The following PDK1 variants were observed in gnomAD, a reference collection of about 807,000 sequenced individuals.
The protein encoded by PDK1 is pyruvate dehydrogenase kinase 1, also known as [Pyruvate dehydrogenase (acetyl-transferring)] kinase isozyme 1, mitochondrial.
A neutral mutation model predicts 54.2 loss-of-function variants in PDK1; 39 were observed. The ratio of observed to expected loss-of-function variants is 0.72; its 90% confidence interval spans 0.56 to 0.94. The LOEUF (loss-of-function observed/expected upper bound fraction) is 0.94, where lower values mean the gene tolerates loss of function less well. PDK1 is among the 40% of genes least tolerant of loss of function. The probability of loss-of-function intolerance (pLI) is 0.00; values close to 1 mark genes in which losing one functional copy is unlikely to be tolerated. For synonymous variants in PDK1, 221 were observed against 207.1 expected, an observed-to-expected ratio of 1.07 and a Z score of -0.58; for missense variants, 552 against 566.0, an observed-to-expected ratio of 0.98 and a Z score of 0.25.
chr2:172,622,229 ATATAT>A, the PDK1 span, among the ~76,000 whole-genome samples: 2 of 107,648 alleles, frequency 1.9e-5, no homozygotes, highest in Non-Finnish European at 4.1e-5. Flanking sequence ...TTTATATCTC[ATATAT>A]TATGTGAGAT....
chr2:172,581,951 T>C (rs953104277), intron 8 of PDK1, among the ~76,000 whole-genome samples: 3 of 152,232 alleles, frequency 2.0e-5, no homozygotes, highest in Middle Eastern at 3.4e-3. Context: ...GTTATTCTGT[T>C]ACCCAGGCTG....
At chr2:172,614,802 G>GA in the PDK1 span, among the ~76,000 whole-genome samples, 2 of 152,306 alleles carry the variant, frequency 1.3e-5, no homozygotes, top group African/African-American at 4.8e-5. Context: ...TTTCTGGCCA[G>GA]AAAAATTGAC....
chr2:172,586,943 TA>T (rs1460028569), intron 9 of PDK1, among the ~76,000 whole-genome samples: 1 of 152,212 alleles, frequency 6.6e-6, no homozygotes, highest in African/African-American at 2.4e-5. Context: ...TCCTTATCTT[TA>T]TGTTCTAACT....
At chr2:172,679,390 T>C in the PDK1 span, among the ~76,000 whole-genome samples, 1 of 152,066 alleles carries the variant, frequency 6.6e-6, no homozygotes, top group Non-Finnish European at 1.5e-5. Flanking sequence ...GAGGCTGCAG[T>C]GAGCTATGAT....
chr2:172,627,666 C>G, the PDK1 span, among the ~76,000 whole-genome samples: 2 of 152,178 alleles, frequency 1.3e-5, no homozygotes, highest in Non-Finnish European at 2.9e-5. Context: ...TGAGTTCCTT[C>G]AAGTTCCATG....
intron 8 of PDK1, among the ~76,000 whole-genome samples, chr2:172,579,525 C>CTTTTTTTTTTTTTTTTTT (rs10660737): frequency 8.2e-6 from 1 of 122,562 alleles, no homozygotes. Context: ...CCCGCTCTTT[C>CTTTTTTTTTTTTTTTTTT]TTTTTTTTTT....
intron 7 of PDK1, among the ~76,000 whole-genome samples, chr2:172,569,665 C>T (rs186554386): frequency 6.4e-4 from 98 of 152,236 alleles, no homozygotes; most frequent in African/African-American, 2.2e-3. Context: ...TTCTTTCTTC[C>T]AAGACAGCAA....
the PDK1 span, among the ~76,000 whole-genome samples, chr2:172,699,800 C>T: frequency 1.1e-4 from 17 of 149,636 alleles, no homozygotes; most frequent in Admixed American, 4.0e-4. Context: ...GGGTGTTTCT[C>T]GTAGAGGGGG....
chr2:172,561,513 A>G (rs1269753105), intron 2 of PDK1, among the ~76,000 whole-genome samples: 1 of 152,228 alleles, frequency 6.6e-6, no homozygotes, highest in African/African-American at 2.4e-5. Flanking sequence ...TACACTGTCG[A>G]AGAAAGTAAT....
In PDK1 at chr2:172,605,111, C is replaced by T. The variant is rs1011591091; in HGVS notation, c.*9142C>T. 3 of 152,164 alleles carry T rather than the reference C, an allele frequency of 2.0e-5. No individual in the cohort carries two copies. The highest frequency in any genetic ancestry group is 4.4e-5 in the Non-Finnish European group (3 of 68,038). 9.4% of individuals were successfully genotyped at this position (152,164 alleles called of 1,614,324 possible). A position where few individuals can be genotyped will look rare whatever the true frequency, so the allele number is the denominator to read the frequency against. On this transcript the variant is annotated 3_prime_UTR_variant, in exon 11 of 11. Transcript: ENST00000282077. ...TGGTTGGCCCATTTAGTTAGTGACA[C>T]ACCTATATTACTCTCCTTGGCATCT...
At chr2:172,709,573 A>G in the PDK1 span, among the ~76,000 whole-genome samples, 2 of 152,326 alleles carry the variant, frequency 1.3e-5, no homozygotes, top group South Asian at 4.1e-4. Context: ...AAATACAGGT[A>G]GTCCTTGCTC....
the PDK1 span, among the ~76,000 whole-genome samples, chr2:172,617,023 C>T: frequency 0.011 from 1,747 of 152,250 alleles, 33 homozygotes; most frequent in African/African-American, 0.039. Context: ...GATCTCGGCT[C>T]ACTGCAACCT....
chr2:172,565,149 C>T lies in PDK1; in HGVS notation c.691+76C>T, dbSNP rs1688867993. 3 of 848,852 alleles carry T rather than the reference C, an allele frequency of 3.5e-6. 1 individual carries two copies. Among genetic ancestry groups the T allele is most frequent in the Non-Finnish European group, 3.9e-6 (2 of 510,630 alleles). 52.6% of individuals were successfully genotyped at this position (848,852 alleles called of 1,614,324 possible). On this transcript the variant is annotated intron_variant, in intron 5 of 10. Coordinates refer to ENST00000282077, the MANE Select transcript of PDK1 (RefSeq NM_002610.5). The stretch of plus-strand genomic sequence containing the variant: ...TTGTTATTTCTTACTATTAAAACAT[C>T]TATTTGTATCATGAGATAAAATGGT...
chr2:172,562,875 T>G (rs1221760669), intron 3 of PDK1: 2 of 1,387,616 alleles, frequency 1.4e-6, no homozygotes, highest in African/African-American at 2.8e-5. Context: ...TGCAGCTACC[T>G]GCTTATTGCA....
In PDK1 at chr2:172,604,303, T is replaced by C. The variant is rs1333425294; in HGVS notation, c.*8334T>C. 6.6e-6 allele frequency: 1 copy of C among 152,228 alleles called. No individual in the cohort carries two copies. The highest frequency in any genetic ancestry group is 1.5e-5 in the Non-Finnish European group (1 of 68,054). The allele number at this position is 152,228 out of a possible 1,614,324, so 9.4% of individuals were successfully genotyped here. A position where few individuals can be genotyped will look rare whatever the true frequency, so the allele number is the denominator to read the frequency against. ...CGCCACCTCAAGGGATCCACCTGCC[T>C]TGGCCTCCCAAAGTGCTGGGATTTA... is the stretch of plus-strand genomic sequence containing the variant. On this transcript the variant is annotated 3_prime_UTR_variant, in exon 11 of 11. Transcript: ENST00000282077.
the PDK1 span, among the ~76,000 whole-genome samples, chr2:172,697,375 G>A: frequency 6.6e-6 from 1 of 152,118 alleles, no homozygotes; most frequent in Non-Finnish European, 1.5e-5. Context: ...ATATGTTCCT[G>A]CCATTATTTT....
chr2:172,679,448 TAACAAC>T, the PDK1 span, among the ~76,000 whole-genome samples: 2 of 151,968 alleles, frequency 1.3e-5, no homozygotes, highest in Admixed American at 6.6e-5. Flanking sequence ...CTCTGTCTCT[TAACAAC>T]AACAACAACA....
chr2:172,632,772 G>A, the PDK1 span, among the ~76,000 whole-genome samples: 1,735 of 151,882 alleles, frequency 0.011, 34 homozygotes, highest in African/African-American at 0.038. Flanking sequence ...ACAAGGTTAG[G>A]AGATCAAGAC....
At chr2:172,671,566 A>G in the PDK1 span, among the ~76,000 whole-genome samples, 2 of 151,522 alleles carry the variant, frequency 1.3e-5, no homozygotes, top group African/African-American at 4.8e-5. Context: ...TGTTGTAAAA[A>G]TAACTTGAAC....
Sources: allele counts gnomAD v4.1 joint callset (sites outside exome capture counted in the v4.1 genomes callset), GRCh38; gene constraint gnomAD v4.1.1; transcripts MANE v1.5; gene names NCBI Gene and HGNC (gene_info 2026-07-23, HGNC 2026-07-21).